Variants in IGF2 observed in about 807,000 individuals in gnomAD.
The protein encoded by IGF2 is insulin-like growth factor 2.
Under a neutral mutation model 12.0 loss-of-function variants are expected in IGF2, and 2 were observed. That is an observed-to-expected ratio of 0.17 (90% CI 0.07 to 0.52). IGF2 has a LOEUF of 0.52. IGF2 is among the 20% of genes least tolerant of loss of function. The pLI, the probability that IGF2 is intolerant of heterozygous loss-of-function variation, is 0.95. For missense variants in IGF2, 211 were observed against 268.0 expected (o/e 0.79, Z 1.48); for synonymous variants, 105 against 110.1 (o/e 0.95, Z 0.29).
upstream of IGF2, among the ~76,000 whole-genome samples, chr11:2,143,760 G>A (rs1124699): frequency 0.88 from 133,731 of 152,328 alleles, 59,368 homozygotes; most frequent in East Asian, 1. Flanking sequence ...GAAATGGTGA[G>A]TATATTTAGA....
At chr11:2,147,281 G>T in the IGF2 span, 1 of 317,852 alleles carries the variant, frequency 3.1e-6, no homozygotes, top group Non-Finnish European at 5.7e-6. This position sits in a 1 kb window ranked among gnomAD's most constrained non-coding sequence, Gnocchi z 7.2. Context: ...CTCTCTCCCT[G>T]CCCCTCTCCC....
chr11:2,137,359 C>T, intron 1 of IGF2: 1 of 585,124 alleles, frequency 1.7e-6, no homozygotes. Context: ...CCCTACCCCC[C>T]ACCCCTCTCC....
rs779361296 is a variant in IGF2 at position 2,135,215 on chromosome 11, G to A, written c.157+152C>T. On this transcript the variant is annotated intron_variant, in intron 2 of 3. Coordinates refer to ENST00000416167, the MANE Select transcript of IGF2 (RefSeq NM_000612.6). ...GTGTGGATGCCCTGGGACACCGCAC[G>A]TGCTCAGAAACGCGGCGGGAAGGTC... The A allele has an allele frequency of 4.7e-5, 31 of 662,464 alleles. 1 individual carries two copies. The highest frequency in any genetic ancestry group is 9.3e-5 in the African/African-American group (5 of 53,870). 41.0% of individuals were successfully genotyped at this position (662,464 alleles called of 1,614,324 possible). A position where few individuals can be genotyped will look rare whatever the true frequency, so the allele number is the denominator to read the frequency against.
In IGF2 at chr11:2,129,818, C is replaced by T. The variant is rs557827054; in HGVS notation, c.*3169G>A. The T allele has an allele frequency of 1.1e-4, 25 of 232,070 alleles. No individual in the cohort carries two copies. The highest frequency in any genetic ancestry group is 3.6e-4 in the South Asian group (2 of 5,530). 14.4% of individuals were successfully genotyped at this position (232,070 alleles called of 1,614,324 possible). ...GCTGAGCTGGGGGCACAAGTGGGGG[C>T]GAGGTAAACCTCCCAGAGGCCGAGT... On this transcript the variant is annotated 3_prime_UTR_variant, in exon 4 of 4. Coordinates refer to ENST00000416167, the MANE Select transcript of IGF2 (RefSeq NM_000612.6). This position sits in a 1 kb window ranked among gnomAD's most constrained non-coding sequence, Gnocchi z 8.1.
At chr11:2,134,047 G>A (rs1373580937) in intron 2 of IGF2, 1 of 420,786 alleles carries the variant, frequency 2.4e-6, no homozygotes, top group East Asian at 6.3e-5. Flanking sequence ...TGCTGTCCCT[G>A]AGCTTGGACT....
the IGF2 span, chr11:2,147,577 G>A: frequency 6.1e-5 from 74 of 1,216,956 alleles, 1 homozygote; most frequent in East Asian, 1.5e-3. The surrounding 1 kb of genome is among the most constrained non-coding windows in gnomAD (Gnocchi z 7.2). Flanking sequence ...TCTCTGCCTC[G>A]CAGTTGGGGC....
intron 1 of IGF2, among the ~76,000 whole-genome samples, chr11:2,136,836 C>G (rs183579474): frequency 3.9e-5 from 6 of 152,368 alleles, no homozygotes; most frequent in Non-Finnish European, 8.8e-5. Flanking sequence ...GCCCTCGCCG[C>G]GCTTCCGCAA....
At chr11:2,146,257 G>C in the IGF2 span, 1 of 533,296 alleles carries the variant, frequency 1.9e-6, no homozygotes. Context: ...CTGGCTCTGA[G>C]CTCACCGCTC....
chr11:2,132,199 G>A lies in IGF2; in HGVS notation c.*788C>T, dbSNP rs553780601. On this transcript the variant is annotated 3_prime_UTR_variant, in exon 4 of 4. Coordinates refer to ENST00000416167, the MANE Select transcript of IGF2 (RefSeq NM_000612.6). ...GGGTCGTGCCAATTACATTTCATTT[G>A]CATGGATTTTGGTTTTCATGCTCTG... The A allele has an allele frequency of 4.8e-6, 1 of 206,624 alleles. No individual in the cohort carries two copies. 12.8% of individuals were successfully genotyped at this position (206,624 alleles called of 1,614,324 possible).
At chr11:2,149,236 G>A in the IGF2 span, 51 of 1,613,298 alleles carry the variant, frequency 3.2e-5, no homozygotes, top group South Asian at 2.3e-4. Context: ...ACGATGATCC[G>A]CCGGCCTGGC....
the IGF2 span, chr11:2,149,473 T>A: frequency 1.3e-6 from 1 of 789,196 alleles, no homozygotes; most frequent in South Asian, 1.7e-5. Flanking sequence ...ACCCCTCACC[T>A]CCTCATCCCC....
upstream of IGF2, among the ~76,000 whole-genome samples, chr11:2,139,579 G>GA (rs1387189960): frequency 7.3e-6 from 1 of 137,764 alleles, no homozygotes. Flanking sequence ...GGGGCCCCGG[G>GA]GGGGGGGCGG....
rs1490685821 is a variant in IGF2 at position 2,138,399 on chromosome 11, G to GT, written c.-178_-177insA. ...GGATGGCTTTTTTTTGGGGGGGGGG[G>GT]GAGAATTCGTCTGATTGTCCAGGGA... On this transcript the variant is annotated 5_prime_UTR_variant, in exon 1 of 4. Transcript: ENST00000416167. The GT allele has an allele frequency of 9.7e-6, 4 of 414,412 alleles. No individual in the cohort carries two copies. The highest frequency in any genetic ancestry group is 2.3e-5 in the African/African-American group (1 of 44,036). 25.7% of individuals were successfully genotyped at this position (414,412 alleles called of 1,614,324 possible). A position where few individuals can be genotyped will look rare whatever the true frequency, so the allele number is the denominator to read the frequency against.
intron 1 of IGF2, among the ~76,000 whole-genome samples, 154 bp downstream of exon 1, chr11:2,138,072 GTCC>G (rs559348953): frequency 6.7e-4 from 101 of 149,866 alleles, no homozygotes; most frequent in East Asian, 2.2e-3. Context: ...GCAGCCGTCC[GTCC>G]TCCTCCTCCT....
Position 2,131,825 on chromosome 11 carries a change from T to C in IGF2, c.*1162A>G. On this transcript the variant is annotated 3_prime_UTR_variant, in exon 4 of 4. Coordinates refer to ENST00000416167, the MANE Select transcript of IGF2 (RefSeq NM_000612.6). ...TGCTGTGTGTGCATGTGTGTGCGTG[T>C]GCTGTGCGTTTGTGTGCTGTGTGCT... 5.2e-6 allele frequency: 1 copy of C among 190,840 alleles called. No individual in the cohort carries two copies. Among genetic ancestry groups the C allele is most frequent in the Non-Finnish European group, 1.0e-5 (1 of 95,696 alleles). 11.8% of individuals were successfully genotyped at this position (190,840 alleles called of 1,614,324 possible). A position where few individuals can be genotyped will look rare whatever the true frequency, so the allele number is the denominator to read the frequency against.
At chr11:2,144,423 G>A (rs1859790542), upstream of IGF2, among the ~76,000 whole-genome samples, 1 of 152,204 alleles carries the variant, frequency 6.6e-6, no homozygotes, top group African/African-American at 2.4e-5. Flanking sequence ...GGAGCTTTGC[G>A]CGCGCCGTTC....
upstream of IGF2, chr11:2,140,194 A>G (rs921491029): frequency 3.7e-6 from 6 of 1,613,108 alleles, no homozygotes; most frequent in African/African-American, 8.0e-5. Context: ...CCCACCCAAA[A>G]TATCTGGATA....
chr11:2,147,391 T>C, the IGF2 span: 1 of 395,948 alleles, frequency 2.5e-6, no homozygotes, highest in Non-Finnish European at 4.4e-6. This position sits in a 1 kb window ranked among gnomAD's most constrained non-coding sequence, Gnocchi z 7.2. Context: ...CTCTGGCCCC[T>C]AGACGGAAGC....
Position 2,138,345 on chromosome 11 carries a change from G to T in IGF2, c.-123C>A. The T allele has an allele frequency of 1.0e-6, 1 of 983,834 alleles. No individual in the cohort carries two copies. Among genetic ancestry groups the T allele is most frequent in the Non-Finnish European group, 1.2e-6 (1 of 828,982 alleles). The allele number at this position is 983,834 out of a possible 1,614,324, so 60.9% of individuals were successfully genotyped here. A position where few individuals can be genotyped will look rare whatever the true frequency, so the allele number is the denominator to read the frequency against. On this transcript the variant is annotated 5_prime_UTR_variant, in exon 1 of 4. Transcript: ENST00000416167. ...AGCGCCGCTCTGGCCGAGTCGCGGG[G>T]GCCGAATGTGCGACGGGGCAGAGCG...
Sources: allele counts gnomAD v4.1 joint callset (sites outside exome capture counted in the v4.1 genomes callset), GRCh38; gene constraint gnomAD v4.1.1; non-coding constraint Gnocchi (gnomAD v3.1); transcripts MANE v1.5; gene names NCBI Gene and HGNC (gene_info 2026-07-23, HGNC 2026-07-21).